Variants in PAX7 observed in about 807,000 individuals in gnomAD.
The protein encoded by PAX7 is paired box 7.
Under a neutral mutation model 50.7 loss-of-function variants are expected in PAX7, and 18 were observed. That is an observed-to-expected ratio of 0.36 (90% CI 0.25 to 0.53). The LOEUF (loss-of-function observed/expected upper bound fraction) is 0.53. PAX7 is among the 20% of genes least tolerant of loss of function. The pLI, the probability that PAX7 is intolerant of heterozygous loss-of-function variation, is 0.93. For synonymous variants in PAX7, 310 were observed against 290.4 expected (o/e 1.07, Z -0.69); for missense variants, 644 against 702.9 (o/e 0.92, Z 0.95).
intron 8 of PAX7, among the ~76,000 whole-genome samples, chr1:18,738,499 C>T (rs142864194): frequency 4.6e-5 from 7 of 152,256 alleles, no homozygotes; most frequent in African/African-American, 1.7e-4. Flanking sequence ...GTTTGTTCTC[C>T]TCTTGCTTGG....
At position 18,726,838 on chromosome 1, in the gene PAX7, C is replaced by T. The variant is rs866385445; in HGVS notation, c.1156-8794C>T. ...TTCCAAGTCTGTATATCAAGCTGCA[C>T]GTGGGAGGAGAAGAGACCCCACCAG... is the stretch of plus-strand genomic sequence containing the variant. On this transcript the variant is annotated intron_variant, in intron 7 of 8. Coordinates refer to ENST00000420770, the MANE Select transcript of PAX7 (RefSeq NM_001135254.2). This position sits in a 1 kb window ranked among gnomAD's most constrained non-coding sequence, Gnocchi z 4.8. Among the ~76,000 whole-genome samples, 1 of 152,174 alleles carries T rather than the reference C, an allele frequency of 6.6e-6. No homozygotes were observed. The highest frequency in any genetic ancestry group is 1.5e-5 in the Non-Finnish European group (1 of 68,032).
chr1:18,662,619 G>A (rs549360969), intron 4 of PAX7, among the ~76,000 whole-genome samples: 26 of 152,308 alleles, frequency 1.7e-4, no homozygotes, highest in African/African-American at 6.3e-4. Context: ...CACCCAGGCT[G>A]AAGTGCAGTG....
intron 5 of PAX7, among the ~76,000 whole-genome samples, chr1:18,696,512 A>G (rs1427061799): frequency 2.6e-5 from 4 of 152,250 alleles, no homozygotes. Context: ...AGCTAAGGAA[A>G]GTAACTTCCT....
At chr1:18,645,122 T>A (rs1246038159) in intron 4 of PAX7, among the ~76,000 whole-genome samples, 1 of 152,150 alleles carries the variant, frequency 6.6e-6, no homozygotes, top group Non-Finnish European at 1.5e-5. Flanking sequence ...TGTTTGTGAA[T>A]GGTGTGTGAG....
intron 7 of PAX7, among the ~76,000 whole-genome samples, chr1:18,719,218 C>G (rs931140511): frequency 3.9e-5 from 6 of 152,198 alleles, no homozygotes; most frequent in East Asian, 1.9e-4. Flanking sequence ...GCTTCTGCTC[C>G]CAGTGGCTTA....
At chr1:18,707,846 A>G (rs542327578) in intron 7 of PAX7, among the ~76,000 whole-genome samples, 8 of 151,970 alleles carry the variant, frequency 5.3e-5, no homozygotes, top group African/African-American at 1.4e-4. Flanking sequence ...CCCCCCATCT[A>G]TGGAAGCCAC....
intron 7 of PAX7, among the ~76,000 whole-genome samples, chr1:18,716,430 C>T (rs2089420883): frequency 6.6e-6 from 1 of 152,156 alleles, no homozygotes; most frequent in African/African-American, 2.4e-5. Flanking sequence ...TCGTGCCTCC[C>T]TGTCCCCTGC....
intron 4 of PAX7, among the ~76,000 whole-genome samples, chr1:18,680,885 C>T (rs1004936909): frequency 1.1e-4 from 16 of 152,104 alleles, no homozygotes; most frequent in African/African-American, 2.2e-4. Context: ...GAGCCGGGCG[C>T]GGTGGCTCAC....
At chr1:18,694,251 C>G (rs1228530913) in intron 5 of PAX7, among the ~76,000 whole-genome samples, 10 of 152,052 alleles carry the variant, frequency 6.6e-5, no homozygotes, top group Non-Finnish European at 1.5e-4. Flanking sequence ...CACCTGAGGT[C>G]GGGAGTTTGA....
chr1:18,734,126 A>G (rs2089681466), intron 7 of PAX7, among the ~76,000 whole-genome samples: 1 of 152,248 alleles, frequency 6.6e-6, no homozygotes. Flanking sequence ...AGGCAAAGGT[A>G]AAAATCTTCA....
At chr1:18,658,148 C>T (rs1345131106) in intron 4 of PAX7, among the ~76,000 whole-genome samples, 1 of 152,146 alleles carries the variant, frequency 6.6e-6, no homozygotes, top group Non-Finnish European at 1.5e-5. Flanking sequence ...GAGGAATAAT[C>T]GGCTGGAATT....
At chr1:18,740,880 T>C (rs1931094420) in intron 8 of PAX7, among the ~76,000 whole-genome samples, 1 of 152,174 alleles carries the variant, frequency 6.6e-6, no homozygotes. Context: ...TTTTGTTAAG[T>C]AACATAAGCC....
In PAX7 at chr1:18,702,107, C is replaced by A. The variant is rs371619448; in HGVS notation, c.953-987C>A. Among the ~76,000 whole-genome samples, 217 of 151,450 alleles carry A rather than the reference C, an allele frequency of 1.4e-3. 1 individual carries two copies. The highest frequency in any genetic ancestry group is 0.01 in the South Asian group (49 of 4,788). On this transcript the variant is annotated intron_variant, in intron 6 of 8. Coordinates refer to ENST00000420770, the MANE Select transcript of PAX7 (RefSeq NM_001135254.2). ...CAGCACTTTGGGAGGCTGAGGCGGGCGGATCTCTTGAGGCCAGGAGTTGGA... is the reference window on the plus strand; with the variant it reads ...CAGCACTTTGGGAGGCTGAGGCGGGAGGATCTCTTGAGGCCAGGAGTTGGA...
chr1:18,657,259 C>T (rs748235118), intron 4 of PAX7, among the ~76,000 whole-genome samples: 33 of 152,008 alleles, frequency 2.2e-4, no homozygotes, highest in Non-Finnish European at 3.8e-4. Flanking sequence ...CAGATATGGG[C>T]TCCCAGGAGA....
intron 5 of PAX7, among the ~76,000 whole-genome samples, chr1:18,692,401 G>A (rs1188371018): frequency 6.6e-6 from 1 of 152,158 alleles, no homozygotes; most frequent in African/African-American, 2.4e-5. Flanking sequence ...AATTAGCTGG[G>A]CTTGGTGACG....
chr1:18,707,046 C>T (rs1034800109), intron 7 of PAX7, among the ~76,000 whole-genome samples: 9 of 152,314 alleles, frequency 5.9e-5, no homozygotes, highest in African/African-American at 1.2e-4. Context: ...CATCTCTGCA[C>T]GTGCCCCCTG....
At chr1:18,676,440 C>T (rs1397149341) in intron 4 of PAX7, among the ~76,000 whole-genome samples, 1 of 147,166 alleles carries the variant, frequency 6.8e-6, no homozygotes, top group South Asian at 2.2e-4. Flanking sequence ...CATGAAAGGC[C>T]TCTCGCTGCC....
At chr1:18,663,572 G>A (rs927015940) in intron 4 of PAX7, among the ~76,000 whole-genome samples, 1 of 152,122 alleles carries the variant, frequency 6.6e-6, no homozygotes, top group Non-Finnish European at 1.5e-5. Flanking sequence ...CAATAGAGGT[G>A]GGGTTTCGCC....
chr1:18,664,020 T>C (rs760027710), intron 4 of PAX7, among the ~76,000 whole-genome samples: 7 of 152,226 alleles, frequency 4.6e-5, no homozygotes, highest in Non-Finnish European at 7.3e-5. Context: ...AAAGTGGGAT[T>C]CCAGGGCTGC....
Sources: allele counts gnomAD v4.1 joint callset (sites outside exome capture counted in the v4.1 genomes callset), GRCh38; gene constraint gnomAD v4.1.1; non-coding constraint Gnocchi (gnomAD v3.1); transcripts MANE v1.5; gene names NCBI Gene and HGNC (gene_info 2026-07-23, HGNC 2026-07-21).